PRKG1: variants seen among roughly 807,000 people sequenced by gnomAD.
PRKG1 encodes protein kinase cGMP-dependent 1, also known as cGMP-dependent protein kinase 1.
Under a neutral mutation model 88.1 loss-of-function variants are expected in PRKG1, and 35 were observed. That is an observed-to-expected ratio of 0.40 (90% CI 0.30 to 0.53). PRKG1 has a LOEUF of 0.53. Ranked by LOEUF, PRKG1 falls within the 20% of genes least tolerant of loss-of-function variation. The probability of loss-of-function intolerance (pLI) is 0.59; values close to 1 mark genes in which losing one functional copy is unlikely to be tolerated. For synonymous variants in PRKG1, 303 were observed against 292.5 expected, an observed-to-expected ratio of 1.04 and a Z score of -0.37; for missense variants, 540 against 839.8, an observed-to-expected ratio of 0.64 and a Z score of 4.41.
intron 6 of PRKG1, among the ~76,000 whole-genome samples, chr10:52,060,634 A>T (rs1846215014): frequency 6.6e-6 from 1 of 151,942 alleles, no homozygotes; most frequent in South Asian, 2.1e-4. Flanking sequence ...TCTGGAAAAA[A>T]ATCAGTCTGA....
chr10:51,934,942 T>G (rs1462670508), intron 5 of PRKG1, among the ~76,000 whole-genome samples: 1 of 152,104 alleles, frequency 6.6e-6, no homozygotes, highest in Admixed American at 6.6e-5. Context: ...AAACAGATGA[T>G]AGAGTTTTGG....
intron 2 of PRKG1, among the ~76,000 whole-genome samples, chr10:51,217,755 T>C (rs1838409852): frequency 6.6e-6 from 1 of 152,144 alleles, no homozygotes; most frequent in Admixed American, 6.5e-5. Context: ...TTACCCCTTG[T>C]AAACACTCCT....
chr10:52,081,991 G>A (rs755993499), intron 7 of PRKG1, among the ~76,000 whole-genome samples: 27 of 152,076 alleles, frequency 1.8e-4, no homozygotes, highest in Non-Finnish European at 2.6e-4. Context: ...AACTTATAAA[G>A]AAGAGATGTT....
rs1379955952 is a variant in PRKG1 at position 52,290,298 on chromosome 10, G to A, written c.1962+8G>A. 3 of 1,597,770 alleles carry A rather than the reference G, an allele frequency of 1.9e-6. No homozygotes were observed. The South Asian group carries it at 3.3e-5, about 18-fold the overall frequency. ...CCTCCTATAATACCAAGTGTAAGTA[G>A]ACTTTCCAGCTTATAATTGTGTGAC... On this transcript the variant is annotated splice_region_variant and intron_variant, in intron 17 of 17. Transcript: ENST00000373980.
At chr10:51,188,854 A>G (rs1043983265) in intron 2 of PRKG1, among the ~76,000 whole-genome samples, 4 of 151,942 alleles carry the variant, frequency 2.6e-5, no homozygotes, top group Non-Finnish European at 5.9e-5. Flanking sequence ...AAGGCTCAGA[A>G]TCTCCAAAAG....
intron 3 of PRKG1, among the ~76,000 whole-genome samples, chr10:51,766,400 T>C (rs187142386): frequency 1.4e-4 from 21 of 152,258 alleles, no homozygotes; most frequent in Admixed American, 3.9e-4. Flanking sequence ...GAATTTTCCA[T>C]TGTGGGCATG....
At chr10:51,508,661 C>A (rs1267452469) in intron 3 of PRKG1, among the ~76,000 whole-genome samples, 1 of 152,046 alleles carries the variant, frequency 6.6e-6, no homozygotes, top group Non-Finnish European at 1.5e-5. Flanking sequence ...TCTCAAATGA[C>A]AGAAAACTGT....
chr10:51,469,231 A>G (rs553691376), intron 3 of PRKG1, among the ~76,000 whole-genome samples: 2 of 152,042 alleles, frequency 1.3e-5, no homozygotes, highest in South Asian at 4.1e-4. Context: ...CATGAGAAAT[A>G]TATTCCTTTT....
intron 7 of PRKG1, among the ~76,000 whole-genome samples, chr10:52,130,926 A>C (rs547625438): frequency 1.3e-5 from 2 of 152,302 alleles, no homozygotes; most frequent in South Asian, 4.1e-4. Flanking sequence ...AAGAATTAGA[A>C]ATAATAAACA....
intron 1 of PRKG1, among the ~76,000 whole-genome samples, chr10:51,079,475 CA>C (rs1844051669): frequency 6.6e-6 from 1 of 152,092 alleles, no homozygotes; most frequent in Admixed American, 6.5e-5. Context: ...AAATACATTC[CA>C]AGCCATTAGC....
intron 3 of PRKG1, among the ~76,000 whole-genome samples, chr10:51,694,467 G>C (rs1051860597): frequency 6.6e-6 from 1 of 152,104 alleles, no homozygotes. Context: ...ATTCACATTG[G>C]CTTATATCTT....
rs1554849266 is a variant in PRKG1, at chr10:51,229,941, A to AAAAG, written c.478+76614_478+76615insGAAA. Reference sequence around the variant, plus strand: ...GAGGCGATCTCAAAAAAAAAAAAAAAAAAAAAAGAAAAAGAAAAAAGAAAG... The same window carrying AAAAG: ...GAGGCGATCTCAAAAAAAAAAAAAAAAAAGAAAAAAAGAAAAAGAAAAAAGAAAG... On this transcript the variant is annotated intron_variant, in intron 2 of 17. Transcript: ENST00000373980. Among the ~76,000 whole-genome samples the AAAAG allele has an allele frequency of 3.4e-4, 46 of 135,984 alleles. 1 individual carries two copies. Among genetic ancestry groups the AAAAG allele is most frequent in the Non-Finnish European group, 4.5e-4 (29 of 64,632 alleles). The allele number at this position is 135,984 out of a possible 152,430, so 89.2% of individuals were successfully genotyped here.
chr10:52,245,094 C>A (rs1840990375), intron 9 of PRKG1, among the ~76,000 whole-genome samples: 1 of 151,474 alleles, frequency 6.6e-6, no homozygotes, highest in Admixed American at 6.6e-5. Flanking sequence ...ACAATTATCA[C>A]ATAAAATCCT....
intron 3 of PRKG1, among the ~76,000 whole-genome samples, chr10:51,558,527 A>G (rs1348355082): frequency 6.6e-6 from 1 of 152,088 alleles, no homozygotes; most frequent in African/African-American, 2.4e-5. Context: ...CTCGTTCTAT[A>G]CCTGTGAATA....
chr10:51,567,807 A>C (rs144612154), intron 3 of PRKG1, among the ~76,000 whole-genome samples: 1 of 151,930 alleles, frequency 6.6e-6, no homozygotes, highest in Non-Finnish European at 1.5e-5. Flanking sequence ...GGCTGTTCTC[A>C]AACTCCTGAC....
intron 2 of PRKG1, among the ~76,000 whole-genome samples, chr10:51,463,813 A>T (rs1839807383): frequency 6.6e-6 from 1 of 152,200 alleles, no homozygotes; most frequent in African/African-American, 2.4e-5. Flanking sequence ...AATGTCTCTG[A>T]AAGAGCCCTC....
intron 2 of PRKG1, among the ~76,000 whole-genome samples, chr10:51,257,155 T>A (rs1839583557): frequency 6.7e-6 from 1 of 148,896 alleles, no homozygotes; most frequent in Non-Finnish European, 1.5e-5. Flanking sequence ...AATAGCAAAG[T>A]TCAGAGAAGG....
intron 1 of PRKG1, among the ~76,000 whole-genome samples, chr10:51,046,229 C>G (rs1042500612): frequency 1.3e-5 from 2 of 152,196 alleles, no homozygotes; most frequent in Non-Finnish European, 2.9e-5. Context: ...TAATTTTAAC[C>G]AACCAAGTAA....
At chr10:52,273,822 A>T (rs1841795432) in intron 12 of PRKG1, among the ~76,000 whole-genome samples, 1 of 152,154 alleles carries the variant, frequency 6.6e-6, no homozygotes, top group Admixed American at 6.6e-5. Context: ...GTACATAGAG[A>T]TTATATACCA....
Sources: allele counts gnomAD v4.1 joint callset (sites outside exome capture counted in the v4.1 genomes callset), GRCh38; gene constraint gnomAD v4.1.1; transcripts MANE v1.5; gene names NCBI Gene and HGNC (gene_info 2026-07-23, HGNC 2026-07-21).